Variants in PCDHA1 observed in about 807,000 individuals in gnomAD.
PCDHA1 encodes protocadherin alpha 1.
In PCDHA1, 42 loss-of-function variants were observed where a neutral mutation model predicts 61.3. The ratio of observed to expected loss-of-function variants is 0.69; its 90% confidence interval spans 0.54 to 0.89. The LOEUF is 0.89. PCDHA1 is among the 40% of genes least tolerant of loss of function. The pLI is 0.00. For synonymous variants in PCDHA1, 610 were observed against 553.8 expected (o/e 1.10, Z -1.43); for missense variants, 1,256 against 1,235.3 (o/e 1.02, Z -0.25).
At chr5:140,853,146 T>G in intron 1 of PCDHA1, 1 of 817,808 alleles carries the variant, frequency 1.2e-6, no homozygotes, top group Non-Finnish European at 1.5e-6. Flanking sequence ...CCCAAAATGC[T>G]GGGATTACAG....
intron 1 of PCDHA1, among the ~76,000 whole-genome samples, chr5:140,889,404 G>A (rs565254911): frequency 2.0e-5 from 3 of 151,972 alleles, no homozygotes; most frequent in South Asian, 2.1e-4. Context: ...TAATTTACTC[G>A]AGTCAGTTAC....
intron 1 of PCDHA1, among the ~76,000 whole-genome samples, chr5:140,891,819 G>A (rs1282245838): frequency 6.6e-6 from 1 of 152,216 alleles, no homozygotes. Flanking sequence ...ATAAATTAAC[G>A]GCACTGTAAA....
intron 1 of PCDHA1, chr5:140,827,943 A>T: frequency 1.7e-6 from 2 of 1,183,778 alleles, no homozygotes; most frequent in Admixed American, 2.3e-5. Flanking sequence ...TAGCTAGCCA[A>T]CATTCAAATT....
At chr5:140,903,800 A>T (rs2070614237) in intron 1 of PCDHA1, among the ~76,000 whole-genome samples, 1 of 152,178 alleles carries the variant, frequency 6.6e-6, no homozygotes, top group African/African-American at 2.4e-5. Context: ...GTTGTAATTG[A>T]CAAGTATAGT....
intron 1 of PCDHA1, chr5:140,851,286 C>T (rs956539821): frequency 9.6e-7 from 1 of 1,038,578 alleles, no homozygotes; most frequent in South Asian, 4.4e-5. Context: ...TATAAGAAAC[C>T]CAAGCAAAAA....
At chr5:140,843,257 C>T (rs146582216) in intron 1 of PCDHA1, 1 of 1,595,938 alleles carries the variant, frequency 6.3e-7, no homozygotes, top group African/African-American at 1.3e-5. Flanking sequence ...TCCGCGCCAC[C>T]GTCTGCTGGT....
intron 1 of PCDHA1, chr5:140,852,584 T>TTA (rs2042387314): frequency 1.2e-6 from 1 of 824,154 alleles, no homozygotes. Context: ...GCTTTTTTAT[T>TTA]TTTTTTTTTT....
intron 1 of PCDHA1, chr5:140,811,157 C>A (rs1251504502): frequency 2.0e-5 from 3 of 152,232 alleles, no homozygotes; most frequent in African/African-American, 7.2e-5. Context: ...ATCCCTCCCC[C>A]AGTCCCCCAC....
chr5:140,797,326 C>T (rs1407707059), intron 1 of PCDHA1: 4 of 1,614,042 alleles, frequency 2.5e-6, no homozygotes, highest in Middle Eastern at 1.6e-4. Context: ...AGAGAAACAG[C>T]TCTCAGAATC....
Position 140,788,205 on chromosome 5 carries a change from G to A in PCDHA1, c.1915G>A (p.Glu639Lys), listed in dbSNP as rs1216959353. Residue 639 changes from glutamate to lysine, a missense_variant, in exon 1 of 4, where the codon GAG becomes AAG. Glu to Lys is a moderately conservative substitution (Grantham distance 56). Coordinates refer to ENST00000504120, the MANE Select transcript of PCDHA1 (RefSeq NM_018900.4). Reference sequence around the variant, plus strand: ...GATCAGCACGACTCGTGTCCTGGACGAGGCTGACTTGTCGCGCTACCGCCT... The same window carrying A: ...GATCAGCACGACTCGTGTCCTGGACAAGGCTGACTTGTCGCGCTACCGCCT... ...GEISTTRVLDEADLSRYRLLV... is the reference protein window; with the variant it reads ...GEISTTRVLDKADLSRYRLLV... 1 of 1,614,068 alleles carries A rather than the reference G, an allele frequency of 6.2e-7. No individual in the cohort carries two copies. The highest frequency in any genetic ancestry group is 8.5e-7 in the Non-Finnish European group (1 of 1,179,952).
intron 1 of PCDHA1, among the ~76,000 whole-genome samples, chr5:140,831,419 G>A (rs1473528725): frequency 6.6e-6 from 1 of 151,618 alleles, no homozygotes; most frequent in Non-Finnish European, 1.5e-5. Flanking sequence ...GAGTACAGTG[G>A]TGCAATAATG....
At chr5:140,803,079 A>G in intron 1 of PCDHA1, 9 of 1,613,952 alleles carry the variant, frequency 5.6e-6, no homozygotes, top group African/African-American at 1.3e-5. Flanking sequence ...GGGGCTGTAC[A>G]CGGGAGAGAT....
At position 140,978,795 on chromosome 5, in the gene PCDHA1, G is replaced by A. The variant is rs1437973642; in HGVS notation, c.2395-154G>A. 3 of 979,120 alleles carry A rather than the reference G, an allele frequency of 3.1e-6. No individual in the cohort carries two copies. The African/African-American group carries it at 5.3e-5, about 17-fold the overall frequency. The allele number at this position is 979,120 out of a possible 1,614,324, so 60.7% of individuals were successfully genotyped here. On this transcript the variant is annotated intron_variant, in intron 1 of 3. Coordinates refer to ENST00000504120, the MANE Select transcript of PCDHA1 (RefSeq NM_018900.4). ...AATTTTCTTCTAAAGTGCTATATAT[G>A]TAGATATCATCATAGAGTTACACAT...
chr5:140,978,841 T>G, intron 1 of PCDHA1, 108 bp from the exon 2 acceptor site: 1 of 1,563,056 alleles, frequency 6.4e-7, no homozygotes, highest in Non-Finnish European at 8.7e-7. Context: ...ATTCAATACT[T>G]TTTTAGATGC....
chr5:140,870,221 T>C (rs1554163925), intron 1 of PCDHA1: 2 of 1,614,012 alleles, frequency 1.2e-6, no homozygotes, highest in Admixed American at 3.3e-5. Context: ...CTGATCAGCG[T>C]GTCTGACCGT....
rs144694616 is a variant in PCDHA1, at chr5:140,836,586, G to T, written c.2394+47902G>T. ...GTCCTCTGAGGGCGCATGTAGTTTG[G>T]TAAAGCCCACTCTGGTGTGCTCCAG... On this transcript the variant is annotated intron_variant, in intron 1 of 3. Coordinates refer to ENST00000504120, the MANE Select transcript of PCDHA1 (RefSeq NM_018900.4). The T allele has an allele frequency of 5.6e-6, 9 of 1,613,634 alleles. No homozygotes were observed. The Admixed American group carries it at 1.3e-4, about 24-fold the overall frequency.
chr5:140,809,587 TC>T lies in PCDHA1; in HGVS notation c.2394+20905del, dbSNP rs782699419. The T allele has an allele frequency of 5.2e-6, 8 of 1,541,010 alleles. No homozygotes were observed. The African/African-American group carries it at 1.1e-4, about 21-fold the overall frequency. ...CCTTTGCAAAGGTTAGTGTATAACA[TC>T]CTTTTGTTTAATTTTCGTATTGTTT... On this transcript the variant is annotated intron_variant, in intron 1 of 3. Coordinates refer to ENST00000504120, the MANE Select transcript of PCDHA1 (RefSeq NM_018900.4).
intron 1 of PCDHA1, chr5:140,857,355 C>T: frequency 6.3e-7 from 1 of 1,598,292 alleles, no homozygotes. Flanking sequence ...CCGCTGTGGG[C>T]CACGGCCAGC....
At chr5:140,932,375 G>A (rs192897336) in intron 1 of PCDHA1, among the ~76,000 whole-genome samples, 31 of 151,942 alleles carry the variant, frequency 2.0e-4, no homozygotes, top group Non-Finnish European at 3.0e-5. Context: ...ATTTCCACAT[G>A]AAAGTTATAC....
Sources: allele counts gnomAD v4.1 joint callset (sites outside exome capture counted in the v4.1 genomes callset), GRCh38; gene constraint gnomAD v4.1.1; transcripts MANE v1.5; gene names NCBI Gene and HGNC (gene_info 2026-07-23, HGNC 2026-07-21).